The following PCDHA8 variants were observed in gnomAD, a reference collection of about 807,000 sequenced individuals.
PCDHA8 encodes protocadherin alpha-8.
PCDHA8 carries 53 observed loss-of-function variants against 61.8 expected under a neutral mutation model. That is an observed-to-expected ratio of 0.86 (90% CI 0.69 to 1.08). The LOEUF (loss-of-function observed/expected upper bound fraction) is 1.08, where lower values mean the gene tolerates loss of function less well. Among genes scored for constraint, PCDHA8 ranks in the 50% least tolerant of loss-of-function variants. The pLI is 0.00. For synonymous variants in PCDHA8, 618 were observed against 556.6 expected, an observed-to-expected ratio of 1.11 and a Z score of -1.55; for missense variants, 1,293 against 1,245.0, an observed-to-expected ratio of 1.04 and a Z score of -0.58.
At chr5:140,947,374 T>C (rs1252253428) in intron 1 of PCDHA8, among the ~76,000 whole-genome samples, 7 of 151,768 alleles carry the variant, frequency 4.6e-5, no homozygotes, top group Admixed American at 4.6e-4. Context: ...TTGATCTATA[T>C]GTTTATCCTT....
At chr5:140,966,989 G>C (rs879989091) in intron 1 of PCDHA8, 7 of 1,604,030 alleles carry the variant, frequency 4.4e-6, no homozygotes, top group Non-Finnish European at 5.1e-6. Context: ...CTTGGGGCCG[G>C]GTTGCTTGCG....
intron 1 of PCDHA8, chr5:140,967,972 G>C: frequency 1.2e-6 from 2 of 1,614,190 alleles, no homozygotes; most frequent in Non-Finnish European, 1.7e-6. Flanking sequence ...AAGTGAGCCT[G>C]GGTCTGGAGG....
intron 1 of PCDHA8, chr5:140,884,803 C>A: frequency 1.6e-6 from 2 of 1,225,132 alleles, no homozygotes; most frequent in Non-Finnish European, 2.2e-6. Context: ...AATTTAACAA[C>A]TCTGCTGTGG....
intron 1 of PCDHA8, among the ~76,000 whole-genome samples, chr5:140,891,620 C>T (rs1194351903): frequency 6.6e-6 from 1 of 152,122 alleles, no homozygotes; most frequent in African/African-American, 2.4e-5. Flanking sequence ...TTTATTTTAA[C>T]ACCTTTTGCT....
chr5:140,860,129 G>GTGTGTATATA (rs1168748861), intron 1 of PCDHA8: 1 of 150,592 alleles, frequency 6.6e-6, no homozygotes, highest in Non-Finnish European at 1.5e-5. Flanking sequence ...TACTGTGTGT[G>GTGTGTATATA]TGTGTATATA....
At chr5:140,879,099 A>G (rs1255546668) in intron 1 of PCDHA8, among the ~76,000 whole-genome samples, 1 of 152,242 alleles carries the variant, frequency 6.6e-6, no homozygotes, top group Non-Finnish European at 1.5e-5. Flanking sequence ...ACTGCACAGT[A>G]TATGGTGTAA....
chr5:140,851,338 A>T (rs554817085), intron 1 of PCDHA8: 3 of 978,674 alleles, frequency 3.1e-6, no homozygotes, highest in East Asian at 9.3e-5. Flanking sequence ...AGTTCTCTAC[A>T]TTTCTCTGGA....
chr5:140,861,480 T>G, intron 1 of PCDHA8: 1 of 490,608 alleles, frequency 2.0e-6, no homozygotes, highest in Non-Finnish European at 4.2e-6. Flanking sequence ...GAATGGCATT[T>G]TTGTGAGTTC....
intron 1 of PCDHA8, chr5:140,875,498 C>A (rs782226561): frequency 1.9e-6 from 3 of 1,613,292 alleles, no homozygotes; most frequent in East Asian, 4.5e-5. Flanking sequence ...CCAAGAGGCC[C>A]GGGATCCCAG....
At chr5:140,857,620 C>G (rs782083775) in intron 1 of PCDHA8, 4 of 1,596,448 alleles carry the variant, frequency 2.5e-6, no homozygotes, top group Non-Finnish European at 3.4e-6. Context: ...CGCTGGACCA[C>G]GAGGAGCTGG....
intron 1 of PCDHA8, chr5:140,863,421 C>A (rs564217392): frequency 7.2e-6 from 5 of 689,680 alleles, no homozygotes; most frequent in Admixed American, 1.9e-5. Context: ...TGTACCGCAG[C>A]GTAGTGGGAT....
chr5:140,968,058 G>A lies in PCDHA8; in HGVS notation c.2395-10891G>A, dbSNP rs532963970. On this transcript the variant is annotated intron_variant, in intron 1 of 3. Transcript: ENST00000531613. The stretch of plus-strand genomic sequence containing the variant: ...GTGAGCGGCCCACTGGACCGAGAGC[G>A]GGTGGCTGTCTACAACATCACGGTG... The A allele has an allele frequency of 1.1e-5, 18 of 1,614,088 alleles. No individual in the cohort carries two copies. The highest frequency in any genetic ancestry group is 4.0e-5 in the African/African-American group (3 of 75,026).
rs1368587662 is a variant in PCDHA8 at position 140,863,465 on chromosome 5, T to C, written c.2394+19750T>C. 19 of 507,706 alleles carry C rather than the reference T, an allele frequency of 3.7e-5. No individual in the cohort carries two copies. The Admixed American group carries it at 3.9e-4, about 10-fold the overall frequency. 31.5% of individuals were successfully genotyped at this position (507,706 alleles called of 1,614,324 possible). Reference sequence around the variant, plus strand: ...ACTCGCAGCAAAGGAGATTTTACTCTGGAGAGTCGCCTCCCAAGGTCAACA... The same window carrying C: ...ACTCGCAGCAAAGGAGATTTTACTCCGGAGAGTCGCCTCCCAAGGTCAACA... On this transcript the variant is annotated intron_variant, in intron 1 of 3. Coordinates refer to ENST00000531613, the MANE Select transcript of PCDHA8 (RefSeq NM_018911.3).
chr5:140,935,605 T>C (rs1554210594), intron 1 of PCDHA8, among the ~76,000 whole-genome samples: 4 of 152,228 alleles, frequency 2.6e-5, no homozygotes. Flanking sequence ...AGAGCTAGGC[T>C]TTTTTCAAGT....
intron 1 of PCDHA8, among the ~76,000 whole-genome samples, chr5:140,925,538 C>T (rs1387501905): frequency 6.6e-6 from 1 of 151,860 alleles, no homozygotes; most frequent in Non-Finnish European, 1.5e-5. Flanking sequence ...AGGAGAAATA[C>T]CTAATGTAAA....
intron 1 of PCDHA8, chr5:140,869,391 C>T: frequency 6.2e-7 from 1 of 1,614,138 alleles, no homozygotes; most frequent in Non-Finnish European, 8.5e-7. Flanking sequence ...AGGAGCTGTG[C>T]GGGCAGAGCG....
chr5:140,871,036 C>G (rs781977409), intron 1 of PCDHA8: 3 of 1,613,274 alleles, frequency 1.9e-6, no homozygotes, highest in East Asian at 4.5e-5. Flanking sequence ...GCCGCGCCAC[C>G]GACTTCTAGT....
At chr5:141,005,701 C>CA (rs59860837) in intron 3 of PCDHA8, among the ~76,000 whole-genome samples, 506 of 7,758 alleles carry the variant, frequency 0.065, 109 homozygotes, top group Non-Finnish European at 0.076. Context: ...AACTCCGTCT[C>CA]AAAAAAAAAA....
chr5:140,889,509 C>T (rs2062255316), intron 1 of PCDHA8, among the ~76,000 whole-genome samples: 2 of 152,026 alleles, frequency 1.3e-5, no homozygotes, highest in Admixed American at 6.6e-5. Flanking sequence ...ATTTCCCTTT[C>T]CATTCTTGAT....
Sources: gnomAD v4.1 joint callset for allele counts (sites outside exome capture counted in the v4.1 genomes callset) on GRCh38, gnomAD v4.1.1 for gene constraint, MANE v1.5 for transcripts, NCBI Gene and HGNC (gene_info 2026-07-23, HGNC 2026-07-21) for gene names.